The following GABRB2 variants were observed in gnomAD, a reference collection of about 807,000 sequenced individuals.
GABRB2 encodes gamma-aminobutyric acid type A receptor subunit beta2.
In GABRB2, 16 loss-of-function variants were observed where a neutral mutation model predicts 54.7. The observed-to-expected ratio is 0.29, with a 90% CI of 0.20 to 0.44. GABRB2 has a LOEUF of 0.44. GABRB2 is among the 20% of genes least tolerant of loss of function. The pLI is 1.00. For synonymous variants in GABRB2, 244 were observed against 233.8 expected (o/e 1.04, Z -0.40); for missense variants, 355 against 644.0 (o/e 0.55, Z 4.86).
chr5:161,423,890 A>G (rs1161126329), intron 4 of GABRB2, among the ~76,000 whole-genome samples: 1 of 152,188 alleles, frequency 6.6e-6, no homozygotes, highest in African/African-American at 2.4e-5. Context: ...GAACACATGA[A>G]TGATAAGAAA....
At chr5:161,421,052 G>A (rs979055947) in intron 4 of GABRB2, among the ~76,000 whole-genome samples, 8 of 151,988 alleles carry the variant, frequency 5.3e-5, no homozygotes, top group Non-Finnish European at 1.5e-5. Context: ...CTCACCATTG[G>A]CCACTGCCTC....
At chr5:161,428,208 GAA>G (rs1757061746) in intron 4 of GABRB2, among the ~76,000 whole-genome samples, 1 of 151,982 alleles carries the variant, frequency 6.6e-6, no homozygotes, top group South Asian at 2.1e-4. Flanking sequence ...GTTTACAACA[GAA>G]TTAGACAGGA....
At chr5:161,538,717 G>A (rs539350953) in intron 3 of GABRB2, among the ~76,000 whole-genome samples, 7 of 152,238 alleles carry the variant, frequency 4.6e-5, no homozygotes, top group South Asian at 2.1e-4. Context: ...CCAGCTACTC[G>A]GGAGACTGAG....
chr5:161,445,434 C>T (rs1215251912), intron 4 of GABRB2, among the ~76,000 whole-genome samples: 1 of 151,476 alleles, frequency 6.6e-6, no homozygotes, highest in East Asian at 1.9e-4. Context: ...CCCCAATCCC[C>T]ACCATCTGAA....
intron 5 of GABRB2, among the ~76,000 whole-genome samples, chr5:161,360,209 C>G (rs760294534): frequency 5.9e-5 from 9 of 152,112 alleles, no homozygotes; most frequent in Non-Finnish European, 1.3e-4. Flanking sequence ...CTATTATATT[C>G]CATTAAAAGC....
intron 5 of GABRB2, among the ~76,000 whole-genome samples, chr5:161,369,758 G>A (rs759940331): frequency 5.3e-5 from 8 of 151,916 alleles, no homozygotes; most frequent in Admixed American, 6.6e-5. Flanking sequence ...TGTTAATATC[G>A]ACCTGAAATC....
At chr5:161,314,347 C>T (rs990480588) in intron 9 of GABRB2, among the ~76,000 whole-genome samples, 2 of 152,152 alleles carry the variant, frequency 1.3e-5, no homozygotes, top group African/African-American at 4.8e-5. Flanking sequence ...AAATTTTCTG[C>T]AGTAGAAGCT....
intron 3 of GABRB2, among the ~76,000 whole-genome samples, chr5:161,534,591 T>A (rs1280078292): frequency 1.3e-5 from 2 of 152,104 alleles, no homozygotes; most frequent in African/African-American, 4.8e-5. Flanking sequence ...TACTTCACAC[T>A]AGAGTCAAGT....
intron 9 of GABRB2, among the ~76,000 whole-genome samples, chr5:161,302,544 T>C (rs1308542633): frequency 7.2e-5 from 11 of 152,138 alleles, no homozygotes; most frequent in Admixed American, 7.2e-4. Context: ...AATGGGACTA[T>C]CTGAAATCCA....
chr5:161,339,005 AC>A (rs1338172588), intron 5 of GABRB2, among the ~76,000 whole-genome samples: 1 of 152,026 alleles, frequency 6.6e-6, no homozygotes, highest in Non-Finnish European at 1.5e-5. Flanking sequence ...GTGACAAAAT[AC>A]TCAGTCTGAG....
chr5:161,320,785 A>G (rs906459235), intron 9 of GABRB2, among the ~76,000 whole-genome samples: 3 of 152,016 alleles, frequency 2.0e-5, no homozygotes, highest in Admixed American at 2.0e-4. Flanking sequence ...ATGAGTTGAT[A>G]TATGCTCTAC....
At chr5:161,316,545 C>A (rs773003362) in intron 9 of GABRB2, among the ~76,000 whole-genome samples, 9 of 151,996 alleles carry the variant, frequency 5.9e-5, no homozygotes, top group Non-Finnish European at 1.3e-4. Flanking sequence ...ACTTCTTTCC[C>A]CTTTTTCTCT....
intron 3 of GABRB2, among the ~76,000 whole-genome samples, chr5:161,544,378 A>G (rs1174996568): frequency 6.6e-6 from 1 of 152,164 alleles, no homozygotes; most frequent in Non-Finnish European, 1.5e-5. Flanking sequence ...TCACTGGAGG[A>G]ATGCCCCCAA....
chr5:161,368,049 C>T (rs1463380628), intron 5 of GABRB2, among the ~76,000 whole-genome samples: 2 of 151,388 alleles, frequency 1.3e-5, no homozygotes, highest in African/African-American at 4.9e-5. Context: ...GTCTATGTGA[C>T]CCCCAAAATT....
At chr5:161,315,313 CAGG>C (rs1289049797) in intron 9 of GABRB2, among the ~76,000 whole-genome samples, 2 of 152,116 alleles carry the variant, frequency 1.3e-5, no homozygotes, top group Non-Finnish European at 2.9e-5. Context: ...CTTTGCAGGG[CAGG>C]AGATGTCCAG....
intron 4 of GABRB2, among the ~76,000 whole-genome samples, chr5:161,412,816 C>G (rs781369801): frequency 3.3e-5 from 5 of 152,184 alleles, no homozygotes; most frequent in Non-Finnish European, 7.4e-5. Context: ...GCAGCCCACC[C>G]AAAGTGGTTG....
chr5:161,518,988 C>T (rs930411958), intron 3 of GABRB2, among the ~76,000 whole-genome samples: 6 of 152,162 alleles, frequency 3.9e-5, no homozygotes, highest in African/African-American at 1.4e-4. Flanking sequence ...CAACGACCAC[C>T]TTTTGAGCTC....
intron 5 of GABRB2, among the ~76,000 whole-genome samples, chr5:161,381,509 C>G (rs1755467434): frequency 6.6e-6 from 1 of 152,076 alleles, no homozygotes; most frequent in Admixed American, 6.6e-5. Flanking sequence ...ATAGATAATT[C>G]ATTTATTACA....
intron 3 of GABRB2, among the ~76,000 whole-genome samples, chr5:161,476,231 C>T (rs1310305176): frequency 6.6e-6 from 1 of 151,694 alleles, no homozygotes; most frequent in Non-Finnish European, 1.5e-5. Context: ...ATAAACTTAA[C>T]CAAGGTAACA....
Sources: gnomAD v4.1 joint callset for allele counts (sites outside exome capture counted in the v4.1 genomes callset) on GRCh38, gnomAD v4.1.1 for gene constraint, MANE v1.5 for transcripts, NCBI Gene and HGNC (gene_info 2026-07-23, HGNC 2026-07-21) for gene names.